ATRNL1: variants seen among roughly 807,000 people sequenced by gnomAD.
The protein encoded by ATRNL1 is attractin like 1.
In ATRNL1, 95 loss-of-function variants were observed where a neutral mutation model predicts 182.7. That is an observed-to-expected ratio of 0.52 (90% CI 0.44 to 0.62). The LOEUF is 0.62. ATRNL1 is among the 20% of genes least tolerant of loss of function. ATRNL1 has a pLI of 0.00. For synonymous variants in ATRNL1, 576 were observed against 568.3 expected (o/e 1.01, Z -0.19); for missense variants, 1,471 against 1,679.5 (o/e 0.88, Z 2.17).
intron 26 of ATRNL1, among the ~76,000 whole-genome samples, chr10:115,551,464 T>C (rs941467586): frequency 2.6e-5 from 4 of 151,502 alleles, no homozygotes; most frequent in Non-Finnish European, 5.9e-5. Context: ...ATCTGTATTA[T>C]TAATATTACT....
chr10:115,264,158 G>A (rs1391043492), intron 10 of ATRNL1, among the ~76,000 whole-genome samples: 9 of 151,278 alleles, frequency 5.9e-5, no homozygotes, highest in Admixed American at 4.6e-4. Flanking sequence ...ATGTATACAT[G>A]TGCCATGTTG....
At chr10:115,487,226 T>G (rs781837114) in intron 24 of ATRNL1, among the ~76,000 whole-genome samples, 6 of 152,206 alleles carry the variant, frequency 3.9e-5, no homozygotes, top group South Asian at 2.1e-4. Flanking sequence ...TGCAGGCTCT[T>G]TTTTAGTCCC....
intron 26 of ATRNL1, among the ~76,000 whole-genome samples, chr10:115,555,345 C>T (rs1234244338): frequency 6.6e-6 from 1 of 151,772 alleles, no homozygotes; most frequent in Non-Finnish European, 1.5e-5. Context: ...GGTTAGATTT[C>T]TGAAAATATA....
intron 15 of ATRNL1, among the ~76,000 whole-genome samples, chr10:115,290,039 G>C (rs1554920338): frequency 6.7e-6 from 1 of 150,278 alleles, no homozygotes; most frequent in Non-Finnish European, 1.5e-5. Flanking sequence ...CATTTGTTTG[G>C]ATACTCTTCA....
chr10:115,893,180 A>C (rs573307434), intron 28 of ATRNL1, among the ~76,000 whole-genome samples: 13 of 152,300 alleles, frequency 8.5e-5, no homozygotes, highest in African/African-American at 3.1e-4. Flanking sequence ...GCTGGATTTC[A>C]ATATCTTAGG....
intron 26 of ATRNL1, among the ~76,000 whole-genome samples, chr10:115,583,568 T>G (rs1555008567): frequency 8.0e-6 from 1 of 125,334 alleles, no homozygotes; most frequent in African/African-American, 2.6e-5. Flanking sequence ...TGTTGATGTA[T>G]AAGAATGCTT....
intron 26 of ATRNL1, among the ~76,000 whole-genome samples, chr10:115,596,200 G>A (rs1401494953): frequency 1.3e-5 from 2 of 152,134 alleles, no homozygotes; most frequent in East Asian, 3.9e-4. Flanking sequence ...CCGCCTCCTG[G>A]GTTCAAGCGA....
chr10:115,550,461 G>A (rs1554995272), intron 26 of ATRNL1, among the ~76,000 whole-genome samples: 1 of 151,630 alleles, frequency 6.6e-6, no homozygotes, highest in African/African-American at 2.4e-5. Flanking sequence ...GAGTGATATG[G>A]GTTCTTCTTA....
intron 26 of ATRNL1, among the ~76,000 whole-genome samples, chr10:115,578,642 T>C (rs1854875920): frequency 1.3e-5 from 2 of 151,598 alleles, no homozygotes; most frequent in Admixed American, 1.3e-4. Flanking sequence ...TTTCTTCTTC[T>C]AGCTAAGGGT....
At chr10:115,643,651 C>T (rs1329612437) in intron 26 of ATRNL1, among the ~76,000 whole-genome samples, 6 of 152,048 alleles carry the variant, frequency 3.9e-5, no homozygotes, top group Non-Finnish European at 8.8e-5. Flanking sequence ...GACACTTTAA[C>T]AAAGAAGATA....
intron 5 of ATRNL1, among the ~76,000 whole-genome samples, chr10:115,148,602 G>T (rs1361533376): frequency 6.6e-6 from 1 of 152,086 alleles, no homozygotes; most frequent in Admixed American, 6.5e-5. Context: ...TTGTTGTCTC[G>T]CACTAAGGAA....
chr10:115,373,678 G>A (rs537576656), intron 19 of ATRNL1, among the ~76,000 whole-genome samples: 1 of 151,740 alleles, frequency 6.6e-6, no homozygotes, highest in African/African-American at 2.4e-5. Context: ...TACATATGTT[G>A]GACCATTCTT....
intron 27 of ATRNL1, among the ~76,000 whole-genome samples, chr10:115,787,921 A>G (rs80300516): frequency 0.017 from 2,536 of 152,322 alleles, 76 homozygotes; most frequent in African/African-American, 0.058. Flanking sequence ...GCAATATGAT[A>G]GTAGATGCAG....
intron 21 of ATRNL1, among the ~76,000 whole-genome samples, chr10:115,433,982 T>G (rs1403394171): frequency 6.6e-6 from 1 of 152,152 alleles, no homozygotes; most frequent in Non-Finnish European, 1.5e-5. Context: ...AGAGCTGATA[T>G]GCTGTACTTA....
chr10:115,363,545 G>T (rs548787461), intron 19 of ATRNL1, among the ~76,000 whole-genome samples: 3 of 147,326 alleles, frequency 2.0e-5, no homozygotes, highest in Admixed American at 6.8e-5. Flanking sequence ...TGTCAATTTT[G>T]TCTTTTGTTG....
chr10:115,376,149 T>C (rs1212054661), intron 19 of ATRNL1, among the ~76,000 whole-genome samples: 2 of 152,138 alleles, frequency 1.3e-5, no homozygotes, highest in Non-Finnish European at 2.9e-5. Context: ...TTTGAATACA[T>C]CATCCTTCTT....
chr10:115,586,625 C>T lies in ATRNL1; in HGVS notation c.3795+37089C>T, dbSNP rs1344368958. On this transcript the variant is annotated intron_variant, in intron 26 of 28. Transcript: ENST00000355044. ...TCCATCAGCTCCTTTAAGCACTTCT[C>T]TGTATTGGTTATTCTAGTTATACAT... Among the ~76,000 whole-genome samples the T allele has an allele frequency of 6.4e-3, 732 of 113,710 alleles. 49 individuals are homozygous for T. The highest frequency in any genetic ancestry group is 0.019 in the African/African-American group (704 of 36,662). 74.6% of individuals were successfully genotyped at this position (113,710 alleles called of 152,430 possible).
chr10:115,824,564 A>G (rs1555091397), intron 27 of ATRNL1, among the ~76,000 whole-genome samples: 1 of 152,208 alleles, frequency 6.6e-6, no homozygotes, highest in Non-Finnish European at 1.5e-5. Flanking sequence ...AAGGAACTTA[A>G]AGAAACTTAC....
chr10:115,643,648 T>A (rs1337666584), intron 26 of ATRNL1, among the ~76,000 whole-genome samples: 2 of 152,110 alleles, frequency 1.3e-5, no homozygotes, highest in Non-Finnish European at 2.9e-5. Context: ...GTAGACACTT[T>A]AACAAAGAAG....
Sources: allele counts gnomAD v4.1 joint callset (sites outside exome capture counted in the v4.1 genomes callset), GRCh38; gene constraint gnomAD v4.1.1; transcripts MANE v1.5; gene names NCBI Gene and HGNC (gene_info 2026-07-23, HGNC 2026-07-21).